KIAA1217: variants seen among roughly 807,000 people sequenced by gnomAD.
The protein encoded by KIAA1217 is KIAA1217.
A neutral mutation model predicts 163.9 loss-of-function variants in KIAA1217; 88 were observed. The ratio of observed to expected loss-of-function variants is 0.54; its 90% CI spans 0.45 to 0.64. The LOEUF (loss-of-function observed/expected upper bound fraction) is 0.64. Among genes scored for constraint, KIAA1217 ranks in the 30% least tolerant of loss-of-function variants. The pLI, the probability that KIAA1217 is intolerant of heterozygous loss-of-function variation, is 0.00. For missense variants in KIAA1217, 2,372 were observed against 2,475.0 expected (o/e 0.96, Z 0.88); for synonymous variants, 903 against 923.1 (o/e 0.98, Z 0.39).
At chr10:23,868,577 G>A (rs1411271188) in intron 1 of KIAA1217, among the ~76,000 whole-genome samples, 1 of 152,098 alleles carries the variant, frequency 6.6e-6, no homozygotes, top group Non-Finnish European at 1.5e-5. Flanking sequence ...TCTTCTGAAG[G>A]ATGACATTTT....
intron 5 of KIAA1217, among the ~76,000 whole-genome samples, chr10:24,439,762 T>G (rs2060337860): frequency 6.6e-6 from 1 of 152,042 alleles, no homozygotes; most frequent in African/African-American, 2.4e-5. Flanking sequence ...CCTGCTTCCA[T>G]GCTCACATCC....
At chr10:24,208,529 T>C (rs1376912501), upstream of KIAA1217, among the ~76,000 whole-genome samples, 1 of 152,122 alleles carries the variant, frequency 6.6e-6, no homozygotes. Context: ...TCATAGATGT[T>C]AATCGGGCCC....
intron 1 of KIAA1217, among the ~76,000 whole-genome samples, chr10:23,711,292 G>T (rs977287726): frequency 2.6e-5 from 4 of 152,158 alleles, no homozygotes; most frequent in African/African-American, 9.7e-5. Flanking sequence ...ATTCTATTAA[G>T]AATCTTGAGA....
rs557594585 is a variant in KIAA1217 at position 23,950,711 on chromosome 10, G to A, written c.-320-56514G>A. On this transcript the variant is annotated intron_variant, in intron 1 of 18. Coordinates refer to the KIAA1217 transcript ENST00000376462. ...GGGCTCAAAACTATGAAAAGGGATG[G>A]GGTGGGGATGGCTTTGGGATGACAT... is the stretch of plus-strand genomic sequence containing the variant. Among the ~76,000 whole-genome samples the A allele has an allele frequency of 5.3e-5, 8 of 152,226 alleles. No individual in the cohort carries two copies. The South Asian group carries it at 1.7e-3, about 32-fold the overall frequency.
rs370105343 is a variant in KIAA1217 at position 24,367,745 on chromosome 10, A to G, written c.355-13124A>G. 6.6e-5 allele frequency among the ~76,000 whole-genome samples: 10 copies of G among 152,356 alleles called. No homozygotes were observed. The East Asian group carries it at 1.3e-3, about 21-fold the overall frequency. ...ATAAACACATTTCTTTAGAACTTAT[A>G]TACACCAGGCACTGTTCTAAGTGCC... On this transcript the variant is annotated intron_variant, in intron 2 of 20. Coordinates refer to ENST00000376454, the MANE Select transcript of KIAA1217 (RefSeq NM_019590.5).
intron 1 of KIAA1217, among the ~76,000 whole-genome samples, chr10:23,999,362 A>T (rs1364624771): frequency 6.6e-6 from 1 of 152,220 alleles, no homozygotes; most frequent in Non-Finnish European, 1.5e-5. Context: ...GGACCCTGGC[A>T]GCACCAAGTA....
At chr10:23,717,924 C>T (rs1303975168) in intron 1 of KIAA1217, among the ~76,000 whole-genome samples, 1 of 152,168 alleles carries the variant, frequency 6.6e-6, no homozygotes, top group Admixed American at 6.5e-5. Context: ...ACATTATACA[C>T]ACATCCCTTT....
intron 3 of KIAA1217, among the ~76,000 whole-genome samples, chr10:24,397,962 A>G (rs1291436783): frequency 6.6e-6 from 1 of 152,170 alleles, no homozygotes; most frequent in Non-Finnish European, 1.5e-5. Flanking sequence ...GGGCAAGTTA[A>G]TCAATCTCTG....
chr10:24,116,392 A>T (rs923971033), intron 2 of KIAA1217, among the ~76,000 whole-genome samples: 4 of 152,060 alleles, frequency 2.6e-5, no homozygotes, highest in African/African-American at 9.7e-5. Flanking sequence ...GGCTCTGCAG[A>T]CCATGCAGTC....
At chr10:24,501,780 G>A (rs1265275019) in intron 9 of KIAA1217, among the ~76,000 whole-genome samples, 3 of 97,248 alleles carry the variant, frequency 3.1e-5, no homozygotes, top group African/African-American at 7.6e-5. Flanking sequence ...ACGTAGTCTC[G>A]CTTTGTCCCC....
intron 1 of KIAA1217, among the ~76,000 whole-genome samples, chr10:23,881,092 G>C (rs9284106): frequency 0.2 from 30,620 of 150,972 alleles, 3,219 homozygotes; most frequent in Admixed American, 0.23. Context: ...GAGGTCTGGA[G>C]TAGATAAAAA....
At chr10:24,262,187 A>G (rs2075787034) in intron 2 of KIAA1217, among the ~76,000 whole-genome samples, 1 of 152,218 alleles carries the variant, frequency 6.6e-6, no homozygotes, top group Non-Finnish European at 1.5e-5. Flanking sequence ...TGTCATCCAC[A>G]TGTCCACAGA....
intron 3 of KIAA1217, among the ~76,000 whole-genome samples, chr10:24,410,005 T>C (rs560740975): frequency 6.8e-6 from 1 of 148,134 alleles, no homozygotes; most frequent in East Asian, 1.9e-4. Flanking sequence ...TTCTTTTTTT[T>C]TTTTTTTTTG....
chr10:24,461,514 C>G (rs1428509280), intron 5 of KIAA1217, among the ~76,000 whole-genome samples: 1 of 152,038 alleles, frequency 6.6e-6, no homozygotes, highest in Non-Finnish European at 1.5e-5. Flanking sequence ...GCTACCATGA[C>G]TGGCTAGTTT....
At chr10:24,136,311 T>C (rs1180071183) in intron 2 of KIAA1217, among the ~76,000 whole-genome samples, 1 of 152,188 alleles carries the variant, frequency 6.6e-6, no homozygotes, top group Non-Finnish European at 1.5e-5. Flanking sequence ...GGATAAATTA[T>C]ATCCAGAAGT....
chr10:23,762,986 C>T (rs1051928770), intron 1 of KIAA1217, among the ~76,000 whole-genome samples: 3 of 152,048 alleles, frequency 2.0e-5, no homozygotes, highest in East Asian at 1.9e-4. Flanking sequence ...AAGCAGAGAG[C>T]AAAATCATGA....
intron 2 of KIAA1217, among the ~76,000 whole-genome samples, chr10:24,014,621 T>C (rs1019860651): frequency 7.2e-5 from 11 of 152,148 alleles, no homozygotes; most frequent in African/African-American, 2.7e-4. Flanking sequence ...GTTAATGATA[T>C]ATTAGATCAA....
chr10:24,336,890 T>C (rs2046413742), intron 2 of KIAA1217, among the ~76,000 whole-genome samples: 1 of 152,200 alleles, frequency 6.6e-6, no homozygotes, highest in African/African-American at 2.4e-5. Context: ...GCTTACCTTA[T>C]GCCGTATACA....
chr10:24,500,192 T>G (rs1335959394), intron 8 of KIAA1217, among the ~76,000 whole-genome samples: 1 of 150,242 alleles, frequency 6.7e-6, no homozygotes, highest in Non-Finnish European at 1.5e-5. Flanking sequence ...GAAGTGTGTG[T>G]GTGTGTGTGT....
Sources: gnomAD v4.1 joint callset for allele counts (sites outside exome capture counted in the v4.1 genomes callset) on GRCh38, gnomAD v4.1.1 for gene constraint, MANE v1.5 for transcripts, NCBI Gene and HGNC (gene_info 2026-07-23, HGNC 2026-07-21) for gene names.